Variants in MNX1 observed in about 807,000 individuals in gnomAD.
The protein encoded by MNX1 is motor neuron and pancreas homeobox 1, also known as motor neuron and pancreas homeobox protein 1.
In MNX1, 2 loss-of-function variants were observed where a neutral mutation model predicts 17.3. The observed-to-expected ratio is 0.12, with a 90% CI of 0.05 to 0.36. The LOEUF (loss-of-function observed/expected upper bound fraction) is 0.36, where lower values mean the gene tolerates loss of function less well. MNX1 is among the 10% of genes least tolerant of loss of function. MNX1 has a pLI of 1.00. For missense variants in MNX1, 556 were observed against 564.7 expected (o/e 0.98, Z 0.16); for synonymous variants, 306 against 283.1 (o/e 1.08, Z -0.81).
At chr7:157,009,307 A>T in intron 1 of MNX1, 1 of 1,409,634 alleles carries the variant, frequency 7.1e-7, no homozygotes, top group Non-Finnish European at 9.2e-7. Flanking sequence ...CCTGACCCCC[A>T]TTCCCGGGCC....
intron 1 of MNX1, among the ~76,000 whole-genome samples, chr7:157,007,377 G>A (rs538996260): frequency 3.3e-5 from 5 of 150,720 alleles, no homozygotes; most frequent in Admixed American, 6.6e-5. Flanking sequence ...GGAAGGAAGG[G>A]AGGAAGGGAA....
At chr7:157,005,987 T>A in intron 2 of MNX1, 114 bp from the exon 3 acceptor site, 1 of 1,215,656 alleles carries the variant, frequency 8.2e-7, no homozygotes, top group Non-Finnish European at 1.2e-6. Context: ...TGGAATGGCC[T>A]CAGGGTGAGA....
At chr7:157,007,848 G>A (rs955216790) in intron 1 of MNX1, 4 of 152,220 alleles carry the variant, frequency 2.6e-5, no homozygotes, top group Non-Finnish European at 2.9e-5. Context: ...ACAAGGCCCC[G>A]AATTCCCAAC....
intron 1 of MNX1, chr7:157,009,363 C>G (rs773884196): frequency 1.7e-5 from 24 of 1,415,466 alleles, no homozygotes; most frequent in Admixed American, 2.9e-5. Context: ...CGGCGACTTC[C>G]TTCTCCTGCA....
Position 157,009,265 on chromosome 7 carries a change from C to T in MNX1, c.691+395G>A. ...GTCTCTCTAACGCCCCAGTGGGGGACCTGGCCCAAGTTCCTTTCCCCGGTG... is the reference window on the plus strand; with the variant it reads ...GTCTCTCTAACGCCCCAGTGGGGGATCTGGCCCAAGTTCCTTTCCCCGGTG... On this transcript the variant is annotated intron_variant, in intron 1 of 2. Transcript: ENST00000252971. 3 of 1,421,454 alleles carry T rather than the reference C, an allele frequency of 2.1e-6. No homozygotes were observed. The East Asian group carries it at 7.7e-5, about 36-fold the overall frequency. 88.1% of individuals were successfully genotyped at this position (1,421,454 alleles called of 1,614,324 possible). A position where few individuals can be genotyped will look rare whatever the true frequency, so the allele number is the denominator to read the frequency against.
At position 157,009,993 on chromosome 7, in the gene MNX1, C is replaced by T; in HGVS notation, c.358G>A (p.Gly120Ser). ...GCGGCGGCGGCAGCGGCCGCTGCGC[C>T]CGGATGCGCGTGGTGGTGGGGCCCC... ...HGGPHHHAHP[G>S]AAAAAAAAAA... Residue 120 changes from glycine (G) to serine (S), a missense_variant, in exon 1 of 3, where the codon GGC (glycine) becomes AGC (serine). Transcript: ENST00000252971. The T allele has an allele frequency of 1.0e-6, 1 of 981,874 alleles. No individual in the cohort carries two copies. Among genetic ancestry groups the T allele is most frequent in the Non-Finnish European group, 1.2e-6 (1 of 832,394 alleles). The allele number at this position is 981,874 out of a possible 1,614,324, so 60.8% of individuals were successfully genotyped here. A position where few individuals can be genotyped will look rare whatever the true frequency, so the allele number is the denominator to read the frequency against.
chr7:157,005,564 C>A lies in MNX1; in HGVS notation c.1162G>T (p.Asp388Tyr), dbSNP rs753624821. 3.8e-6 allele frequency: 6 copies of A among 1,568,854 alleles called. No homozygotes were observed. Among genetic ancestry groups the A allele is most frequent in the Non-Finnish European group, 5.2e-6 (6 of 1,161,914 alleles). Residue 388 changes from aspartate (D) to tyrosine (Y), a missense_variant, in exon 3 of 3, where the codon GAC (aspartate) becomes TAC (tyrosine). Physicochemically the swap from Asp to Tyr is radical, Grantham distance 160. Transcript: ENST00000252971. ...AASSDCSSEDDSPPPRPSHQP... is the reference protein window; with the variant it reads ...AASSDCSSEDYSPPPRPSHQP... The stretch of plus-strand genomic sequence containing the variant: ...TGGCTGGGCCGCGGGGGCGGCGAGT[C>A]GTCCTCCGAGGAGCAGTCGGAGGAG...
rs1805582343 is a variant in MNX1, at chr7:157,005,691, T to C, written c.1035A>G (p.Gly345=). 3 of 1,607,002 alleles carry C rather than the reference T, an allele frequency of 1.9e-6. No individual in the cohort carries two copies. Among genetic ancestry groups the C allele is most frequent in the Non-Finnish European group, 1.7e-6 (2 of 1,177,488 alleles). The change falls in exon 3 of 3, where the codon GGA becomes GGG. Residue 345 remains glycine (G), a synonymous_variant. Coordinates refer to ENST00000252971, the MANE Select transcript of MNX1 (RefSeq NM_005515.4). Reference sequence around the variant, plus strand: ...TGTCCCTCAAGTCCCGCAGGCGGCGTCCGCTGCCCTTGTCTCCGGGCGCTG... The same window carrying C: ...TGTCCCTCAAGTCCCGCAGGCGGCGCCCGCTGCCCTTGTCTCCGGGCGCTG... ...GPPAPGDKGS[G]RRLRDLRDSD...
intron 1 of MNX1, 105 bp downstream of exon 1, chr7:157,009,554 TC>T (rs1286399963): frequency 4.0e-6 from 6 of 1,514,430 alleles, no homozygotes; most frequent in African/African-American, 1.4e-5. Context: ...TCGCAGCTCT[TC>T]CCCCGCTCGC....
At position 157,010,534 on chromosome 7, in the gene MNX1, G is replaced by C. The variant is rs1274902815; in HGVS notation, c.-184C>G. On this transcript the variant is annotated 5_prime_UTR_variant, in exon 1 of 3. Coordinates refer to ENST00000252971, the MANE Select transcript of MNX1 (RefSeq NM_005515.4). ...TGACCATGGTCCCGGCGCCTCCTCC[G>C]TGCGGGCCCCGCCCCGGGCCGCGCT... is the stretch of plus-strand genomic sequence containing the variant. The C allele has an allele frequency of 2.4e-6, 1 of 408,990 alleles. No individual in the cohort carries two copies. The highest frequency in any genetic ancestry group is 4.4e-6 in the Non-Finnish European group (1 of 228,938). 25.3% of individuals were successfully genotyped at this position (408,990 alleles called of 1,614,324 possible). A position where few individuals can be genotyped will look rare whatever the true frequency, so the allele number is the denominator to read the frequency against.
Position 157,005,467 on chromosome 7 carries a change from A to G in MNX1, c.*53T>C, listed in dbSNP as rs1010133145. On this transcript the variant is annotated 3_prime_UTR_variant, in exon 3 of 3. Coordinates refer to ENST00000252971, the MANE Select transcript of MNX1 (RefSeq NM_005515.4). The stretch of plus-strand genomic sequence containing the variant: ...TGCGGGCGCCGGGGCCTCCGGGAGA[A>G]GCCGCCGGCCGGGGCGCTCCGTGCG... 88 of 1,208,522 alleles carry G rather than the reference A, an allele frequency of 7.3e-5. No homozygotes were observed. Among genetic ancestry groups the G allele is most frequent in the Non-Finnish European group, 8.2e-5 (80 of 970,144 alleles). The allele number at this position is 1,208,522 out of a possible 1,614,324, so 74.9% of individuals were successfully genotyped here.
Position 157,005,553 on chromosome 7 carries a change from G to A in MNX1, c.1173C>T (p.Pro391=), listed in dbSNP as rs1478162320. 6 of 1,551,662 alleles carry A rather than the reference G, an allele frequency of 3.9e-6. No individual in the cohort carries two copies. Among genetic ancestry groups the A allele is most frequent in the Non-Finnish European group, 5.2e-6 (6 of 1,153,978 alleles). ...GCGCGGGCTGGTGGCTGGGCCGCGG[G>A]GGCGGCGAGTCGTCCTCCGAGGAGC... ...SDCSSEDDSP[P]PRPSHQPAPQ Residue 391 remains proline (P), a synonymous_variant, in exon 3 of 3, where the codon CCC becomes CCT. Transcript: ENST00000252971.
In MNX1 at chr7:157,009,867, G is replaced by A; in HGVS notation, c.484C>T (p.Pro162Ser). The change falls in exon 1 of 3, where the codon CCG (proline) becomes TCG (serine). Residue 162 changes from proline to serine, a missense_variant. By Grantham distance (74) the Pro-to-Ser change is moderately conservative. Coordinates refer to ENST00000252971, the MANE Select transcript of MNX1 (RefSeq NM_005515.4). Reference protein sequence around the residue: ...LPAQAALYGHPVYGYSAAAAA... With the variant: ...LPAQAALYGHSVYGYSAAAAA... ...GCCGCCGCGGAGTAGCCGTAGACCGGGTGGCCGTAGAGCGCCGCCTGCGCC... is the reference window on the plus strand; with the variant it reads ...GCCGCCGCGGAGTAGCCGTAGACCGAGTGGCCGTAGAGCGCCGCCTGCGCC... The A allele has an allele frequency of 6.8e-7, 1 of 1,479,910 alleles. No individual in the cohort carries two copies. The highest frequency in any genetic ancestry group is 1.3e-5 in the South Asian group (1 of 78,416). The allele number at this position is 1,479,910 out of a possible 1,614,324, so 91.7% of individuals were successfully genotyped here.
Position 157,009,832 on chromosome 7 carries a change from A to AGCCGCC in MNX1, c.513_518dup (p.Ala173_Ala174dup), listed in dbSNP as rs748208450. The AGCCGCC allele has an allele frequency of 3.4e-5, 51 of 1,513,834 alleles. No individual in the cohort carries two copies. Among genetic ancestry groups the AGCCGCC allele is most frequent in the African/African-American group, 2.4e-4 (17 of 69,456 alleles). The allele number at this position is 1,513,834 out of a possible 1,614,324, so 93.8% of individuals were successfully genotyped here. ...GCGCCGGGTGCTGGCCCGCCAGCGC[A>AGCCGCC]GCCGCCGCCGCCGCCGCGGAGTAGC... On this transcript the variant is annotated inframe_insertion, in exon 1 of 3. Transcript: ENST00000252971.
chr7:157,009,409 C>A, intron 1 of MNX1: 1 of 1,425,790 alleles, frequency 7.0e-7, no homozygotes, highest in South Asian at 1.5e-5. Flanking sequence ...AGTCTCACAC[C>A]TCCAACTGCC....
rs1805572060 is a variant in MNX1 at position 157,005,420 on chromosome 7, T to TGGGGCCTG, written c.*99_*100insCAGGCCCC. On this transcript the variant is annotated 3_prime_UTR_variant, in exon 3 of 3. Transcript: ENST00000252971. ...TCCATGGGGCGGCGGTCGAGCCTGC[T>TGGGGCCTG]CTCGGGGCCGGGCCGGGTGGGTGCG... 2 of 872,660 alleles carry TGGGGCCTG rather than the reference T, an allele frequency of 2.3e-6. No individual in the cohort carries two copies. Among genetic ancestry groups the TGGGGCCTG allele is most frequent in the Admixed American group, 9.6e-5 (2 of 20,854 alleles). The allele number at this position is 872,660 out of a possible 1,614,324, so 54.1% of individuals were successfully genotyped here. A position where few individuals can be genotyped will look rare whatever the true frequency, so the allele number is the denominator to read the frequency against.
rs1805596650 is a variant in MNX1, at chr7:157,006,288, G to A, written c.852+191C>T. On this transcript the variant is annotated intron_variant, in intron 2 of 2. Coordinates refer to ENST00000252971, the MANE Select transcript of MNX1 (RefSeq NM_005515.4). This position sits in a 1 kb window ranked among gnomAD's most constrained non-coding sequence, Gnocchi z 6.3. ...TCAGAATGAAAGGAGGGGTGGTTAA[G>A]TGCTGATTCTTGGGCCCCACCCGAA... The A allele has an allele frequency of 1.6e-6, 1 of 619,348 alleles. No homozygotes were observed. The highest frequency in any genetic ancestry group is 2.8e-6 in the Non-Finnish European group (1 of 355,688). 38.4% of individuals were successfully genotyped at this position (619,348 alleles called of 1,614,324 possible).
chr7:157,005,929 C>A (rs1805589141), intron 2 of MNX1, 56 bp from the exon 3 acceptor site: 1 of 1,590,550 alleles, frequency 6.3e-7, no homozygotes, highest in Non-Finnish European at 8.6e-7. Context: ...GGCTTCCTGT[C>A]CCCGGAGTCC....
rs904890187 is a variant in MNX1 at position 157,006,351 on chromosome 7, C to T, written c.852+128G>A. 15 of 1,087,236 alleles carry T rather than the reference C, an allele frequency of 1.4e-5. No homozygotes were observed. Among genetic ancestry groups the T allele is most frequent in the Admixed American group, 1.3e-4 (5 of 38,904 alleles). The allele number at this position is 1,087,236 out of a possible 1,614,324, so 67.3% of individuals were successfully genotyped here. A position where few individuals can be genotyped will look rare whatever the true frequency, so the allele number is the denominator to read the frequency against. On this transcript the variant is annotated intron_variant, in intron 2 of 2. Coordinates refer to ENST00000252971, the MANE Select transcript of MNX1 (RefSeq NM_005515.4). The surrounding 1 kb of genome is among the most constrained non-coding windows in gnomAD (Gnocchi z 6.3). ...GCGCTCTGGGCACCTTAGATGAACC[C>T]GTGCGCCCGCCGTCTGAACCGTCGA...
Sources: gnomAD v4.1 joint callset for allele counts (sites outside exome capture counted in the v4.1 genomes callset) on GRCh38, gnomAD v4.1.1 for gene constraint, Gnocchi (gnomAD v3.1) non-coding constraint, MANE v1.5 for transcripts, NCBI Gene and HGNC (gene_info 2026-07-23, HGNC 2026-07-21) for gene names.